The following SNTG1 variants were observed in gnomAD, a reference collection of about 807,000 sequenced individuals.
SNTG1 encodes gamma-1-syntrophin.
In SNTG1, 39 loss-of-function variants were observed where a neutral mutation model predicts 74.7. The ratio of observed to expected loss-of-function variants is 0.52; its 90% CI spans 0.40 to 0.68. The LOEUF is 0.68. Ranked by LOEUF, SNTG1 falls within the 30% of genes least tolerant of loss-of-function variation. The pLI, the probability that SNTG1 is intolerant of heterozygous loss-of-function variation, is 0.00. For synonymous variants in SNTG1, 254 were observed against 217.1 expected (o/e 1.17, Z -1.49); for missense variants, 685 against 609.5 (o/e 1.12, Z -1.30).
chr8:50,659,218 AT>A (rs775069363), intron 15 of SNTG1, among the ~76,000 whole-genome samples: 1 of 152,206 alleles, frequency 6.6e-6, no homozygotes, highest in Admixed American at 6.5e-5. Flanking sequence ...GATTATTACA[AT>A]ATCAAGCCAT....
At chr8:50,270,500 A>G (rs2087723517) in intron 2 of SNTG1, among the ~76,000 whole-genome samples, 1 of 152,230 alleles carries the variant, frequency 6.6e-6, no homozygotes, top group Non-Finnish European at 1.5e-5. Flanking sequence ...ATTGGAGATC[A>G]GAGAGGTATC....
intron 1 of SNTG1, among the ~76,000 whole-genome samples, chr8:49,986,991 G>C (rs1276543337): frequency 6.6e-6 from 1 of 152,198 alleles, no homozygotes; most frequent in Non-Finnish European, 1.5e-5. Flanking sequence ...AAAATTCCTA[G>C]CTAGAATGAG....
intron 2 of SNTG1, among the ~76,000 whole-genome samples, chr8:50,224,761 G>A (rs1205066656): frequency 6.6e-6 from 1 of 152,008 alleles, no homozygotes; most frequent in Non-Finnish European, 1.5e-5. Context: ...TTGAAACAGA[G>A]ACCTTAAGAC....
intron 1 of SNTG1, among the ~76,000 whole-genome samples, chr8:50,114,224 A>T (rs2080723703): frequency 6.6e-6 from 1 of 152,160 alleles, no homozygotes. Context: ...TATTTTAGAC[A>T]ATTTGATATG....
intron 17 of SNTG1, among the ~76,000 whole-genome samples, chr8:50,744,907 GA>G (rs1296309424): frequency 6.6e-6 from 1 of 151,960 alleles, no homozygotes; most frequent in Non-Finnish European, 1.5e-5. Context: ...AACTCAAAAT[GA>G]GTCAAAGACC....
intron 1 of SNTG1, among the ~76,000 whole-genome samples, chr8:49,993,078 G>A (rs1244311466): frequency 1.3e-5 from 2 of 151,944 alleles, no homozygotes; most frequent in Non-Finnish European, 2.9e-5. Flanking sequence ...ATGCTTATAT[G>A]TATACTTAAA....
chr8:50,630,184 A>G (rs2094987040), intron 13 of SNTG1, among the ~76,000 whole-genome samples: 1 of 152,194 alleles, frequency 6.6e-6, no homozygotes, highest in Non-Finnish European at 1.5e-5. Flanking sequence ...GGCTTGAAAT[A>G]TTAATTTGTG....
In SNTG1 at chr8:50,241,547, G is replaced by A. The variant is rs148498915; in HGVS notation, c.-28+68912G>A. 2.9e-3 allele frequency among the ~76,000 whole-genome samples: 448 copies of A among 152,262 alleles called. 2 individuals are homozygous for A. The highest frequency in any genetic ancestry group is 5.6e-3 in the Admixed American group (85 of 15,294). On this transcript the variant is annotated intron_variant, in intron 2 of 18. Transcript: ENST00000642720. ...GGAGTAAAGAGCAGTTATTTAGGTG[G>A]GTGGTGTCTGATGTCCCAGTGGGCA...
At chr8:50,776,993 CTT>C (rs1340478005) in intron 18 of SNTG1, among the ~76,000 whole-genome samples, 1 of 151,752 alleles carries the variant, frequency 6.6e-6, no homozygotes, top group East Asian at 1.9e-4. Context: ...TTATTTCTCT[CTT>C]GCTGCTCTCA....
intron 2 of SNTG1, among the ~76,000 whole-genome samples, chr8:50,255,993 A>C (rs899003604): frequency 6.6e-6 from 1 of 152,076 alleles, no homozygotes; most frequent in African/African-American, 2.4e-5. Context: ...ATGATAGACC[A>C]CCTCTTCCAT....
chr8:50,466,761 A>G, intron 8 of SNTG1, among the ~76,000 whole-genome samples: 1 of 151,944 alleles, frequency 6.6e-6, no homozygotes, highest in Middle Eastern at 3.2e-3. Flanking sequence ...CTAAATTTTG[A>G]CCCAGGTACA....
chr8:49,912,954 A>G (rs1805707702), intron 1 of SNTG1, among the ~76,000 whole-genome samples: 1 of 152,226 alleles, frequency 6.6e-6, no homozygotes, highest in Admixed American at 6.5e-5. Flanking sequence ...CCAGAAAGTG[A>G]TAGGGACCAG....
At chr8:50,351,980 G>A (rs2091675062) in intron 2 of SNTG1, among the ~76,000 whole-genome samples, 1 of 152,162 alleles carries the variant, frequency 6.6e-6, no homozygotes, top group Non-Finnish European at 1.5e-5. Flanking sequence ...AGGAAAAGGA[G>A]GAACATATCC....
intron 1 of SNTG1, among the ~76,000 whole-genome samples, chr8:50,016,970 C>G (rs1816384188): frequency 6.6e-6 from 1 of 152,012 alleles, no homozygotes; most frequent in East Asian, 1.9e-4. Flanking sequence ...CAGAAAAGGG[C>G]TGTCAACTGA....
intron 1 of SNTG1, among the ~76,000 whole-genome samples, chr8:49,996,521 A>G (rs1243581128): frequency 1.3e-5 from 2 of 152,132 alleles, no homozygotes; most frequent in African/African-American, 4.8e-5. Context: ...TTTTGTCACC[A>G]TAAAGCTTGG....
At chr8:50,157,590 C>G (rs1360147933) in intron 1 of SNTG1, among the ~76,000 whole-genome samples, 1 of 151,968 alleles carries the variant, frequency 6.6e-6, no homozygotes. Flanking sequence ...CAGCAAAAGC[C>G]TTTAAGAAAA....
chr8:50,385,714 A>T (rs1587419122), intron 2 of SNTG1, among the ~76,000 whole-genome samples: 1 of 152,154 alleles, frequency 6.6e-6, no homozygotes, highest in African/African-American at 2.4e-5. Context: ...ACTGCTTCTG[A>T]TGGGCCTTAT....
At chr8:50,495,950 G>T (rs762446022) in intron 8 of SNTG1, among the ~76,000 whole-genome samples, 1 of 152,052 alleles carries the variant, frequency 6.6e-6, no homozygotes, top group African/African-American at 2.4e-5. Context: ...CCTGTAAAAA[G>T]CCAAGTTCTT....
At chr8:50,562,622 A>G (rs2094495034) in intron 12 of SNTG1, among the ~76,000 whole-genome samples, 1 of 152,134 alleles carries the variant, frequency 6.6e-6, no homozygotes, top group Admixed American at 6.6e-5. Context: ...TTTTTCTTAA[A>G]CCACCTTAGT....
Sources: gnomAD v4.1 joint callset for allele counts (sites outside exome capture counted in the v4.1 genomes callset) on GRCh38, gnomAD v4.1.1 for gene constraint, MANE v1.5 for transcripts, NCBI Gene and HGNC (gene_info 2026-07-23, HGNC 2026-07-21) for gene names.